The following SHC3 variants were observed in gnomAD, a reference collection of about 807,000 sequenced individuals.
SHC3 encodes SHC adaptor protein 3, also known as SHC-transforming protein 3.
SHC3 carries 15 observed loss-of-function variants against 60.4 expected under a neutral mutation model. The ratio of observed to expected loss-of-function variants is 0.25; its 90% CI spans 0.17 to 0.38. The LOEUF (loss-of-function observed/expected upper bound fraction) is 0.38, where lower values mean the gene tolerates loss of function less well. SHC3 is among the 10% of genes least tolerant of loss of function. The pLI is 1.00. For missense variants in SHC3, 677 were observed against 786.1 expected, an observed-to-expected ratio of 0.86 and a Z score of 1.66; for synonymous variants, 294 against 325.9, an observed-to-expected ratio of 0.90 and a Z score of 1.05.
intron 1 of SHC3, among the ~76,000 whole-genome samples, chr9:89,169,817 A>G (rs936093918): frequency 1.3e-5 from 2 of 152,160 alleles, no homozygotes; most frequent in African/African-American, 4.8e-5. Context: ...TATGTTTCCT[A>G]TGATGATGTA....
At chr9:89,056,783 C>A (rs1303614353) in intron 6 of SHC3, among the ~76,000 whole-genome samples, 3 of 152,254 alleles carry the variant, frequency 2.0e-5, no homozygotes, top group African/African-American at 7.2e-5. Context: ...AATGCTCCAG[C>A]CTTCATGTCC....
chr9:89,053,490 C>T (rs539140339), intron 6 of SHC3, among the ~76,000 whole-genome samples: 3 of 152,328 alleles, frequency 2.0e-5, no homozygotes, highest in South Asian at 2.1e-4. Context: ...GACTTTACCC[C>T]GGAGGCAGCC....
At chr9:89,133,240 T>C (rs1008727024) in intron 1 of SHC3, among the ~76,000 whole-genome samples, 1 of 152,138 alleles carries the variant, frequency 6.6e-6, no homozygotes, top group Admixed American at 6.5e-5. Flanking sequence ...AGAATGGCGA[T>C]CATTAAAAAG....
intron 1 of SHC3, among the ~76,000 whole-genome samples, chr9:89,132,155 C>T (rs1436847328): frequency 6.6e-6 from 1 of 152,160 alleles, no homozygotes; most frequent in Non-Finnish European, 1.5e-5. Flanking sequence ...AACTCCCATT[C>T]ACAATTGCTT....
At chr9:89,136,628 A>G (rs1039021408) in intron 1 of SHC3, among the ~76,000 whole-genome samples, 1 of 152,198 alleles carries the variant, frequency 6.6e-6, no homozygotes, top group African/African-American at 2.4e-5. Flanking sequence ...GCATATTATC[A>G]ATAAATAACC....
chr9:89,056,347 A>G (rs1824950725), intron 6 of SHC3, among the ~76,000 whole-genome samples: 1 of 152,122 alleles, frequency 6.6e-6, no homozygotes, highest in Admixed American at 6.5e-5. Flanking sequence ...CCTGGGTTCA[A>G]GCCATTCTCC....
rs7871049 is a variant in SHC3 at position 89,047,126 on chromosome 9, T to C, written c.963-132A>G. ...TGCCTCCTCAGCCATCCAGGTCTCA[T>C]GCATAGATGAAAAGCAGATGAGTGG... On this transcript the variant is annotated intron_variant, in intron 7 of 11. Coordinates refer to ENST00000375835, the MANE Select transcript of SHC3 (RefSeq NM_016848.6). The C allele has an allele frequency of 1.5e-3, 1,230 of 819,238 alleles. 11 individuals carry two copies. In the African/African-American group the frequency reaches 0.019, roughly 13 times the overall value. The allele number at this position is 819,238 out of a possible 1,614,324, so 50.7% of individuals were successfully genotyped here.
intron 1 of SHC3, among the ~76,000 whole-genome samples, chr9:89,117,257 G>A (rs1826031307): frequency 6.6e-6 from 1 of 152,164 alleles, no homozygotes; most frequent in Non-Finnish European, 1.5e-5. Flanking sequence ...GCAGCAATTT[G>A]TCCTCTCATC....
intron 3 of SHC3, among the ~76,000 whole-genome samples, chr9:89,075,581 G>A (rs537429019): frequency 6.6e-6 from 1 of 152,146 alleles, no homozygotes; most frequent in East Asian, 1.9e-4. Context: ...CATTTTGTAC[G>A]CTCAGCAACC....
At chr9:89,125,008 G>A (rs948666543) in intron 1 of SHC3, among the ~76,000 whole-genome samples, 8 of 152,164 alleles carry the variant, frequency 5.3e-5, no homozygotes, top group African/African-American at 1.2e-4. Context: ...AGTCATGCCC[G>A]AGAAAGTCAT....
intron 1 of SHC3, among the ~76,000 whole-genome samples, chr9:89,127,772 C>T (rs529166562): frequency 6.0e-4 from 90 of 149,414 alleles, no homozygotes; most frequent in African/African-American, 2.2e-3. Flanking sequence ...GGCAATGTCC[C>T]CACTCCACCC....
chr9:89,109,637 C>T (rs188651886), intron 2 of SHC3: 1 of 985,474 alleles, frequency 1.0e-6, no homozygotes, highest in Admixed American at 6.1e-5. Flanking sequence ...GCCTGCTCTC[C>T]TTCAAGGTGA....
At chr9:89,092,615 C>CAAAA (rs59133401) in intron 2 of SHC3, among the ~76,000 whole-genome samples, 6 of 67,844 alleles carry the variant, frequency 8.8e-5, no homozygotes, top group Admixed American at 1.5e-4. Context: ...GACTCTGTCT[C>CAAAA]AAAAAAAAAA....
rs1825957753 is a variant in SHC3 at position 89,007,536 on chromosome 9, C to A, written c.*5911G>T. Reference sequence around the variant, plus strand: ...TGCACAAATGAGGCCAAGAAACTGGCTAGAAATCCCAAGAAACTGTGCCAA... The same window carrying A: ...TGCACAAATGAGGCCAAGAAACTGGATAGAAATCCCAAGAAACTGTGCCAA... On this transcript the variant is annotated 3_prime_UTR_variant, in exon 12 of 12. Coordinates refer to ENST00000375835, the MANE Select transcript of SHC3 (RefSeq NM_016848.6). 2 of 152,388 alleles carry A rather than the reference C, an allele frequency of 1.3e-5. No homozygotes were observed. The highest frequency in any genetic ancestry group is 4.1e-4 in the South Asian group (2 of 4,828). 9.4% of individuals were successfully genotyped at this position (152,388 alleles called of 1,614,324 possible).
At chr9:89,073,928 G>C (rs1303409789) in intron 4 of SHC3, among the ~76,000 whole-genome samples, 2 of 152,178 alleles carry the variant, frequency 1.3e-5, no homozygotes, top group Non-Finnish European at 2.9e-5. Flanking sequence ...GGCTGAGCCT[G>C]GTGAATATTC....
chr9:89,175,028 C>T (rs569108073), intron 1 of SHC3, among the ~76,000 whole-genome samples: 17 of 152,144 alleles, frequency 1.1e-4, no homozygotes, highest in Non-Finnish European at 2.5e-4. Flanking sequence ...TGGGCAGCAC[C>T]GTAATCAATA....
At chr9:89,171,651 T>G (rs566460509) in intron 1 of SHC3, among the ~76,000 whole-genome samples, 7 of 152,336 alleles carry the variant, frequency 4.6e-5, no homozygotes, top group Admixed American at 1.3e-4. Flanking sequence ...TTTTTCTTCT[T>G]GGTTTTGAGG....
chr9:89,155,019 C>T (rs2118226994), intron 1 of SHC3, among the ~76,000 whole-genome samples: 1 of 152,338 alleles, frequency 6.6e-6, no homozygotes, highest in Non-Finnish European at 1.5e-5. Context: ...TGCCACTAAG[C>T]TGGCTGCTCA....
At chr9:89,023,036 T>G (rs972083546) in intron 11 of SHC3, among the ~76,000 whole-genome samples, 2 of 152,180 alleles carry the variant, frequency 1.3e-5, no homozygotes, top group Non-Finnish European at 2.9e-5. Context: ...TTTCCAGGCA[T>G]GTGATGGGTT....
Sources: gnomAD v4.1 joint callset for allele counts (sites outside exome capture counted in the v4.1 genomes callset) on GRCh38, gnomAD v4.1.1 for gene constraint, MANE v1.5 for transcripts, NCBI Gene and HGNC (gene_info 2026-07-23, HGNC 2026-07-21) for gene names.